Variants in SRP72 observed in about 807,000 individuals in gnomAD.
SRP72 encodes signal recognition particle subunit SRP72.
In SRP72, 49 loss-of-function variants were observed where a neutral mutation model predicts 96.3. The ratio of observed to expected loss-of-function variants is 0.51; its 90% confidence interval spans 0.40 to 0.65. The LOEUF is 0.65. SRP72 is among the 30% of genes least tolerant of loss of function. The pLI, the probability that SRP72 is intolerant of heterozygous loss-of-function variation, is 0.00. For missense variants in SRP72, 736 were observed against 793.3 expected (o/e 0.93, Z 0.87); for synonymous variants, 267 against 275.2 (o/e 0.97, Z 0.30).
chr4:56,473,638 G>T (rs534970905), intron 3 of SRP72, among the ~76,000 whole-genome samples: 1 of 151,300 alleles, frequency 6.6e-6, no homozygotes, highest in Admixed American at 6.6e-5. Context: ...GGTGGCGCAC[G>T]TCTGTAATCT....
Position 56,474,166 on chromosome 4 carries a change from C to G in SRP72, c.467C>G (p.Ala156Gly). The change falls in exon 4 of 19, where the codon GCA becomes GGA. Residue 156 changes from alanine to glycine, a missense_variant. Physicochemically the swap from Ala to Gly is moderately conservative, Grantham distance 60 (BLOSUM62 0). Around this residue, in one of 3 missense-constraint regions of SRP72, gnomAD observed 329 missense variants for 319.0 expected, o/e 1.03. Coordinates refer to ENST00000642900, the MANE Select transcript of SRP72 (RefSeq NM_006947.4). ...AAAACAAACCTTTCAGCAGTTGTTG[C>G]AGCTCAAAGCAATTGGGAAAAAGTG... is the stretch of plus-strand genomic sequence containing the variant. ...ERKTNLSAVV[A>G]AQSNWEKVVP... 2 of 1,614,190 alleles carry G rather than the reference C, an allele frequency of 1.2e-6. No individual in the cohort carries two copies. The highest frequency in any genetic ancestry group is 1.7e-6 in the Non-Finnish European group (2 of 1,180,032).
At chr4:56,488,216 C>T (rs1560684656) in intron 12 of SRP72, among the ~76,000 whole-genome samples, 1 of 152,172 alleles carries the variant, frequency 6.6e-6, no homozygotes, top group Non-Finnish European at 1.5e-5. Flanking sequence ...GTGCCAGGCA[C>T]TATTTAGGCC....
intron 3 of SRP72, among the ~76,000 whole-genome samples, chr4:56,473,122 G>A (rs1440405544): frequency 6.6e-6 from 1 of 152,046 alleles, no homozygotes; most frequent in Admixed American, 6.5e-5. Flanking sequence ...AGGTAACAGG[G>A]TTACCTAGAC....
At position 56,490,398 on chromosome 4, in the gene SRP72, G is replaced by A; in HGVS notation, c.1386G>A (p.Arg462=). 1 of 1,614,000 alleles carries A rather than the reference G, an allele frequency of 6.2e-7. No individual in the cohort carries two copies. Among genetic ancestry groups the A allele is most frequent in the Non-Finnish European group, 8.5e-7 (1 of 1,179,964 alleles). ...CAAACTTCAAACTCAAATATGGGCG[G>A]AAGAAGGAGGCAATTAGTGACCTAC... ...EAANFKLKYG[R]KKEAISDLQQ... is the part of the protein sequence containing the mutation. The change falls in exon 14 of 19, where the codon CGG becomes CGA. Residue 462 remains arginine (R), a synonymous_variant. Coordinates refer to ENST00000642900, the MANE Select transcript of SRP72 (RefSeq NM_006947.4).
In SRP72 at chr4:56,490,582, A is replaced by T. The variant is rs779777836; in HGVS notation, c.1439A>T (p.Asp480Val). ...LQQLWKQNPK[D>V]IHTLAQLISA... ...TCTTCTTTTAGACAAAATCCAAAAG[A>T]TATTCACACCCTGGCACAGCTTATT... The change falls in exon 15 of 19, where the codon GAT (aspartate) becomes GTT (valine). Residue 480 changes from aspartate (D) to valine (V), a missense_variant. By Grantham distance (152) the Asp-to-Val change is radical. Coordinates refer to ENST00000642900, the MANE Select transcript of SRP72 (RefSeq NM_006947.4). 26 of 1,613,712 alleles carry T rather than the reference A, an allele frequency of 1.6e-5. No individual in the cohort carries two copies. In the Admixed American group the frequency reaches 4.3e-4, roughly 27 times the overall value.
chr4:56,488,383 T>C (rs1204236316), intron 12 of SRP72, among the ~76,000 whole-genome samples: 1 of 152,224 alleles, frequency 6.6e-6, no homozygotes, highest in Non-Finnish European at 1.5e-5. Flanking sequence ...ATTCAAATAT[T>C]GCAGGTTTCA....
At position 56,487,771 on chromosome 4, in the gene SRP72, A is replaced by G. The variant is rs1238700823; in HGVS notation, c.1160-178A>G. On this transcript the variant is annotated intron_variant, in intron 11 of 18. Transcript: ENST00000642900. ...TTTAGAACTCAATTTCCTTATCTCT[A>G]AATGAACAGAGTTCACCATCCCCAA... 1.3e-5 allele frequency among the ~76,000 whole-genome samples: 2 copies of G among 152,140 alleles called. 1 individual carries two copies. The highest frequency in any genetic ancestry group is 3.9e-4 in the East Asian group (2 of 5,132).
intron 16 of SRP72, chr4:56,491,821 A>G (rs1036475427): frequency 1.3e-5 from 4 of 308,818 alleles, no homozygotes; most frequent in South Asian, 8.0e-5. Flanking sequence ...ATGGTTTACA[A>G]ATATTTTCTT....
In SRP72 at chr4:56,489,454, C is replaced by G. The variant is rs749467859; in HGVS notation, c.1291C>G (p.Gln431Glu). The change falls in exon 13 of 19, where the codon CAA becomes GAA. Residue 431 changes from glutamine (Q) to glutamate (E), a missense_variant. Physicochemically the swap from Gln to Glu is conservative, Grantham distance 29 (BLOSUM62 2). Around this residue, in one of 3 missense-constraint regions of SRP72, gnomAD observed 388 missense variants for 431.8 expected, o/e 0.90. Coordinates refer to ENST00000642900, the MANE Select transcript of SRP72 (RefSeq NM_006947.4). Reference protein sequence around the residue: ...DIDSAIEVFTQAIQWYQNHQP... With the variant: ...DIDSAIEVFTEAIQWYQNHQP... ...TGATAGTGCCATTGAGGTCTTCACA[C>G]AAGCTATCCAGTGGTATCAAAACCA... 5 of 1,598,714 alleles carry G rather than the reference C, an allele frequency of 3.1e-6. No individual in the cohort carries two copies. In the Admixed American group the frequency reaches 8.4e-5, roughly 27 times the overall value.
intron 8 of SRP72, among the ~76,000 whole-genome samples, chr4:56,480,697 A>G (rs552427691): frequency 7.9e-5 from 12 of 152,358 alleles, no homozygotes; most frequent in African/African-American, 2.9e-4. Context: ...TCAAAATAGT[A>G]CTGGATGCAA....
At chr4:56,471,436 AT>A (rs1432029297) in intron 2 of SRP72, among the ~76,000 whole-genome samples, 1 of 152,246 alleles carries the variant, frequency 6.6e-6, no homozygotes, top group African/African-American at 2.4e-5. Flanking sequence ...ACAATTACTT[AT>A]TTAGCAGATG....
intron 16 of SRP72, among the ~76,000 whole-genome samples, chr4:56,494,578 AT>A (rs1721015439): frequency 6.6e-6 from 1 of 151,810 alleles, no homozygotes; most frequent in Non-Finnish European, 1.5e-5. Context: ...TAATTTTTGT[AT>A]TTTTAGTAGA....
intron 3 of SRP72, 113 bp from the exon 4 acceptor site, chr4:56,473,941 C>A: frequency 2.1e-6 from 2 of 957,924 alleles, no homozygotes; most frequent in Non-Finnish European, 3.0e-6. Context: ...GTTGATTGTT[C>A]ATGTTATGCT....
chr4:56,503,379 C>G lies in SRP72; in HGVS notation c.*1518C>G, dbSNP rs1463173014. 6.6e-6 allele frequency: 1 copy of G among 152,050 alleles called. No homozygotes were observed. The highest frequency in any genetic ancestry group is 2.4e-5 in the African/African-American group (1 of 41,400). 9.4% of individuals were successfully genotyped at this position (152,050 alleles called of 1,614,324 possible). A position where few individuals can be genotyped will look rare whatever the true frequency, so the allele number is the denominator to read the frequency against. On this transcript the variant is annotated 3_prime_UTR_variant, in exon 19 of 19. Coordinates refer to ENST00000642900, the MANE Select transcript of SRP72 (RefSeq NM_006947.4). ...GATTCCATCATTGAAAATTTTGACC[C>G]AAGGCACAGCAGTGAAATTTATAGT...
intron 17 of SRP72, among the ~76,000 whole-genome samples, chr4:56,499,421 C>T (rs919222359): frequency 2.0e-5 from 3 of 152,134 alleles, no homozygotes; most frequent in Admixed American, 1.3e-4. Flanking sequence ...GCAAAAGAAG[C>T]TATCATCAGA....
Position 56,501,759 on chromosome 4 carries a change from A to G in SRP72, c.1914A>G (p.Thr638=). 6.2e-7 allele frequency: 1 copy of G among 1,614,136 alleles called. No homozygotes were observed. The highest frequency in any genetic ancestry group is 8.5e-7 in the Non-Finnish European group (1 of 1,180,006). Residue 638 remains threonine (T), a synonymous_variant, in exon 19 of 19, where the codon ACA becomes ACG. Transcript: ENST00000642900. ...PGSAATVSAS[T]SNIIPPRHQK... ...GTGCTGCAACAGTATCTGCCTCTAC[A>G]AGTAACATCATACCCCCAAGACACC...
Position 56,490,396 on chromosome 4 carries a change from C to T in SRP72, c.1384C>T (p.Arg462Trp), listed in dbSNP as rs771523590. Residue 462 changes from arginine (R) to tryptophan (W), a missense_variant, in exon 14 of 19, where the codon CGG becomes TGG. Around this residue, in one of 3 missense-constraint regions of SRP72, gnomAD observed 388 missense variants for 431.8 expected, o/e 0.90. Transcript: ENST00000642900. ...EAANFKLKYGRKKEAISDLQQ... is the reference protein window; with the variant it reads ...EAANFKLKYGWKKEAISDLQQ... ...TGCAAACTTCAAACTCAAATATGGG[C>T]GGAAGAAGGAGGCAATTAGTGACCT... The T allele has an allele frequency of 2.6e-5, 42 of 1,613,828 alleles. No individual in the cohort carries two copies. Among genetic ancestry groups the T allele is most frequent in the South Asian group, 4.4e-5 (4 of 91,040 alleles).
chr4:56,496,839 T>A (rs974102524), intron 17 of SRP72, among the ~76,000 whole-genome samples: 1 of 152,114 alleles, frequency 6.6e-6, no homozygotes, highest in Non-Finnish European at 1.5e-5. Context: ...AATATAAAAA[T>A]TAGCCGAGCA....
intron 18 of SRP72, among the ~76,000 whole-genome samples, chr4:56,501,253 C>T (rs183635060): frequency 1.8e-4 from 28 of 152,078 alleles, no homozygotes; most frequent in African/African-American, 6.5e-4. Context: ...ACTAAAAATA[C>T]AAAAATTAGC....
Sources: allele counts gnomAD v4.1 joint callset (sites outside exome capture counted in the v4.1 genomes callset), GRCh38; gene constraint gnomAD v4.1.1; regional missense constraint gnomAD v4.1.1; transcripts MANE v1.5; gene names NCBI Gene and HGNC (gene_info 2026-07-23, HGNC 2026-07-21).